The following NBEA variants were observed in gnomAD, a reference collection of about 807,000 sequenced individuals.
NBEA encodes the protein neurobeachin.
In NBEA, 44 loss-of-function variants were observed where a neutral mutation model predicts 343.4. The observed-to-expected ratio is 0.13, with a 90% confidence interval of 0.10 to 0.16. The LOEUF (loss-of-function observed/expected upper bound fraction) is 0.16. NBEA is among the 10% of genes least tolerant of loss of function. NBEA has a pLI of 1.00. For missense variants in NBEA, 2,555 were observed against 3,631.3 expected, an observed-to-expected ratio of 0.70 and a Z score of 7.62; for synonymous variants, 1,175 against 1,238.7, an observed-to-expected ratio of 0.95 and a Z score of 1.08.
chr13:35,622,501 A>G (rs1036005525), intron 48 of NBEA, among the ~76,000 whole-genome samples: 22 of 152,298 alleles, frequency 1.4e-4, no homozygotes, highest in Admixed American at 1.2e-3. Context: ...TGTCTTATAC[A>G]TCCAGAAACA....
At chr13:35,414,106 C>A (rs1002532382) in intron 38 of NBEA, among the ~76,000 whole-genome samples, 2 of 152,022 alleles carry the variant, frequency 1.3e-5, no homozygotes, top group Non-Finnish European at 2.9e-5. Context: ...TTTTATATAC[C>A]AAACTGAGGA....
At chr13:35,293,261 C>T (rs1429319061) in intron 35 of NBEA, among the ~76,000 whole-genome samples, 1 of 151,954 alleles carries the variant, frequency 6.6e-6, no homozygotes, top group African/African-American at 2.4e-5. Context: ...TGTAATTTTT[C>T]ATCTTTGTGG....
intron 16 of NBEA, among the ~76,000 whole-genome samples, chr13:35,119,535 A>G (rs1464702567): frequency 1.3e-5 from 2 of 152,132 alleles, no homozygotes; most frequent in Non-Finnish European, 2.9e-5. Context: ...AGGGCTGCCA[A>G]TCTATTTGAA....
At chr13:35,058,052 G>A (rs2063333045) in intron 7 of NBEA, among the ~76,000 whole-genome samples, 1 of 152,112 alleles carries the variant, frequency 6.6e-6, no homozygotes, top group African/African-American at 2.4e-5. Flanking sequence ...TCCCTGGTTT[G>A]GGTGGGCGGG....
chr13:35,478,921 G>T (rs1383922997), intron 41 of NBEA, among the ~76,000 whole-genome samples: 11 of 152,252 alleles, frequency 7.2e-5, no homozygotes, highest in Non-Finnish European at 1.5e-5. Flanking sequence ...GGAAGGACGC[G>T]GGCCTGCGAG....
intron 48 of NBEA, among the ~76,000 whole-genome samples, chr13:35,625,651 T>C (rs182621230): frequency 1.3e-4 from 19 of 151,686 alleles, no homozygotes; most frequent in Admixed American, 9.8e-4. Context: ...AAATTAAATA[T>C]ATAAATCAAC....
chr13:35,374,203 A>G (rs575163645), intron 38 of NBEA, among the ~76,000 whole-genome samples: 66 of 151,986 alleles, frequency 4.3e-4, no homozygotes, highest in Middle Eastern at 3.4e-3. Flanking sequence ...TGATTTCAGT[A>G]TTTTTTGCCT....
At chr13:34,947,453 G>A (rs1169256651) in intron 1 of NBEA, among the ~76,000 whole-genome samples, 5 of 152,042 alleles carry the variant, frequency 3.3e-5, no homozygotes, top group African/African-American at 1.2e-4. Flanking sequence ...CCCGTTTTGT[G>A]TCACTGGTAT....
intron 44 of NBEA, among the ~76,000 whole-genome samples, chr13:35,555,896 C>G (rs1440379828): frequency 6.6e-6 from 1 of 151,960 alleles, no homozygotes; most frequent in African/African-American, 2.4e-5. Flanking sequence ...GTGTACTTCT[C>G]TGAATCATTA....
chr13:35,089,290 C>G (rs1268162293), intron 10 of NBEA, among the ~76,000 whole-genome samples: 23 of 146,904 alleles, frequency 1.6e-4, no homozygotes, highest in African/African-American at 5.6e-4. Context: ...ATTTATGCAG[C>G]CAAAAAACAC....
At chr13:35,474,458 AC>A (rs2152960211) in intron 41 of NBEA, 1 of 152,820 alleles carries the variant, frequency 6.5e-6, no homozygotes, top group African/African-American at 2.4e-5. Context: ...TAAAGTTCAG[AC>A]ACTTTCAAAG....
intron 10 of NBEA, among the ~76,000 whole-genome samples, chr13:35,090,455 A>G (rs1023328981): frequency 1.3e-5 from 2 of 152,016 alleles, no homozygotes; most frequent in East Asian, 1.9e-4. Flanking sequence ...TGTCTCTAGC[A>G]TACTTGGTTT....
intron 1 of NBEA, among the ~76,000 whole-genome samples, chr13:35,024,853 T>C (rs1218458833): frequency 6.6e-6 from 1 of 152,174 alleles, no homozygotes; most frequent in African/African-American, 2.4e-5. Flanking sequence ...TTGCTGATTT[T>C]TGTTTTTAGT....
intron 36 of NBEA, among the ~76,000 whole-genome samples, chr13:35,338,080 A>G (rs2039371562): frequency 6.6e-6 from 1 of 151,936 alleles, no homozygotes; most frequent in Admixed American, 6.6e-5. Context: ...GGAGCAAATT[A>G]TTTCCAAAAC....
At chr13:35,559,024 T>G (rs549107752) in intron 44 of NBEA, among the ~76,000 whole-genome samples, 1 of 152,338 alleles carries the variant, frequency 6.6e-6, no homozygotes, top group African/African-American at 2.4e-5. Context: ...ATGAATATCC[T>G]GAGGTACTCT....
At chr13:35,659,761 G>A (rs569820810) in intron 55 of NBEA, among the ~76,000 whole-genome samples, 8 of 152,120 alleles carry the variant, frequency 5.3e-5, no homozygotes, top group East Asian at 3.9e-4. Flanking sequence ...TTTCAAACTC[G>A]CGGCTTTGAA....
chr13:35,042,098 A>G (rs2062674311), intron 2 of NBEA, among the ~76,000 whole-genome samples: 2 of 152,082 alleles, frequency 1.3e-5, no homozygotes, highest in African/African-American at 2.4e-5. Context: ...GGAACAAAAC[A>G]TTAAACAAGA....
chr13:35,593,452 G>C lies in NBEA; in HGVS notation c.7296+5G>C. On this transcript the variant is annotated splice_donor_5th_base_variant and intron_variant, in intron 47 of 58. Coordinates refer to ENST00000379939, the MANE Select transcript of NBEA (RefSeq NM_001385012.1). ...AGAGATACTTCTGATGTAAAGGTAGGCTCTTTTATTTGTTGATATTCATTA... is the reference window on the plus strand; with the variant it reads ...AGAGATACTTCTGATGTAAAGGTAGCCTCTTTTATTTGTTGATATTCATTA... 1.3e-6 allele frequency: 2 copies of C among 1,591,012 alleles called. No individual in the cohort carries two copies. The highest frequency in any genetic ancestry group is 1.7e-6 in the Non-Finnish European group (2 of 1,172,492).
chr13:35,144,926 G>C (rs184418728), intron 18 of NBEA, among the ~76,000 whole-genome samples: 1 of 152,318 alleles, frequency 6.6e-6, no homozygotes, highest in East Asian at 1.9e-4. Context: ...AGCTATTAAA[G>C]GTCGAAGGAA....
Sources: gnomAD v4.1 joint callset for allele counts (sites outside exome capture counted in the v4.1 genomes callset) on GRCh38, gnomAD v4.1.1 for gene constraint, MANE v1.5 for transcripts, NCBI Gene and HGNC (gene_info 2026-07-23, HGNC 2026-07-21) for gene names.